Variants in TP53I13 observed in about 807,000 individuals in gnomAD.
The protein encoded by TP53I13 is tumor protein p53 inducible protein 13.
Under a neutral mutation model 39.1 loss-of-function variants are expected in TP53I13, and 27 were observed. The observed-to-expected ratio is 0.69, with a 90% confidence interval of 0.51 to 0.95. The LOEUF is 0.95. TP53I13 is among the 40% of genes least tolerant of loss of function. The probability of loss-of-function intolerance (pLI) is 0.00; values close to 1 mark genes in which losing one functional copy is unlikely to be tolerated. For missense variants in TP53I13, 544 were observed against 520.4 expected (o/e 1.05, Z -0.44); for synonymous variants, 230 against 224.6 (o/e 1.02, Z -0.22).
At chr17:29,574,974 C>A, downstream of TP53I13, 1 of 1,491,546 alleles carries the variant, frequency 6.7e-7, no homozygotes. Flanking sequence ...GAGATCAGGG[C>A]CCAGTTTGTC....
downstream of TP53I13, chr17:29,574,718 C>T: frequency 1.2e-6 from 2 of 1,612,886 alleles, no homozygotes; most frequent in South Asian, 1.1e-5. Flanking sequence ...CTTCTTCTCT[C>T]GGGTGGTGAT....
chr17:29,572,403 C>T lies in TP53I13; in HGVS notation c.775C>T (p.Pro259Ser). 6.3e-7 allele frequency: 1 copy of T among 1,593,622 alleles called. No homozygotes were observed. Among genetic ancestry groups the T allele is most frequent in the Non-Finnish European group, 8.6e-7 (1 of 1,166,286 alleles). Reference protein sequence around the residue: ...VPTVSLLPGAPGGNASSRTEA... With the variant: ...VPTVSLLPGASGGNASSRTEA... ...CACTGTCTCCCTGCTGCCGGGGGCG[C>T]CTGGAGGCAATGCCAGCTCCAGGAC... Residue 259 changes from proline (P) to serine (S), a missense_variant, in exon 6 of 7, where the codon CCT (proline) becomes TCT (serine). Coordinates refer to ENST00000301057, the MANE Select transcript of TP53I13 (RefSeq NM_138349.4).
upstream of TP53I13, chr17:29,568,668 C>CGCGGGGGA (rs2032794620): frequency 1.1e-6 from 1 of 895,946 alleles, no homozygotes; most frequent in African/African-American, 1.8e-5. The surrounding 1 kb of genome is among the most constrained non-coding windows in gnomAD (Gnocchi z 4.5). Context: ...GCGCGGGCGG[C>CGCGGGGGA]GCGGGGGCGC....
chr17:29,566,730 C>T, upstream of TP53I13: 1 of 1,566,986 alleles, frequency 6.4e-7, no homozygotes, highest in Non-Finnish European at 8.6e-7. Context: ...GGCACTGGGC[C>T]AGGGCCGACG....
chr17:29,570,283 G>A (rs1336901981), intron 3 of TP53I13, among the ~76,000 whole-genome samples: 2 of 147,852 alleles, frequency 1.4e-5, no homozygotes, highest in African/African-American at 5.0e-5. Context: ...TGAGGCGGGT[G>A]GAACACCTGA....
In TP53I13 at chr17:29,568,869, G is replaced by A; in HGVS notation, c.72+39G>A. 6.3e-7 allele frequency: 1 copy of A among 1,599,342 alleles called. No individual in the cohort carries two copies. The highest frequency in any genetic ancestry group is 8.5e-7 in the Non-Finnish European group (1 of 1,178,828). On this transcript the variant is annotated intron_variant, in intron 1 of 6. Coordinates refer to ENST00000301057, the MANE Select transcript of TP53I13 (RefSeq NM_138349.4). This position sits in a 1 kb window ranked among gnomAD's most constrained non-coding sequence, Gnocchi z 4.5. ...CTCCTGGGAAGGCCTCGGCCCGCGA[G>A]CTCAAAGCGCTTTGCCAAAAGTTCG...
chr17:29,572,261 TG>T lies in TP53I13; in HGVS notation c.635del (p.Gly212ValfsTer9). The T allele has an allele frequency of 6.2e-7, 1 of 1,612,808 alleles. No homozygotes were observed. The highest frequency in any genetic ancestry group is 8.5e-7 in the Non-Finnish European group (1 of 1,179,986). On this transcript the variant is annotated frameshift_variant, in exon 6 of 7. Transcript: ENST00000301057. LOFTEE classifies it high-confidence loss of function. ...AGAGGCGGAGGCTGCGGGCTGCCCT[TG>T]GTCCCCAGCCCACTCGCTCAGCCCT... The part of the protein sequence containing the change: ...AKRRRLRAAL[G>X]PQPTRSALRF...
Position 29,572,077 on chromosome 17 carries a change from G to A in TP53I13, c.513+20G>A. 6.2e-7 allele frequency: 1 copy of A among 1,612,514 alleles called. No homozygotes were observed. The highest frequency in any genetic ancestry group is 1.1e-5 in the South Asian group (1 of 91,072). ...GTGCAGGTGAGAGACGCTGGGCCCAGGCTTGTTGGCCCTCGGGTTCTCTGA... is the reference window on the plus strand; with the variant it reads ...GTGCAGGTGAGAGACGCTGGGCCCAAGCTTGTTGGCCCTCGGGTTCTCTGA... On this transcript the variant is annotated intron_variant, in intron 5 of 6. Coordinates refer to ENST00000301057, the MANE Select transcript of TP53I13 (RefSeq NM_138349.4).
At chr17:29,576,443 T>C, downstream of TP53I13, 2 of 1,612,776 alleles carry the variant, frequency 1.2e-6, no homozygotes, top group Non-Finnish European at 1.7e-6. Flanking sequence ...CGCCTGCAGC[T>C]TGTGGATCTA....
At chr17:29,578,248 G>T in the TP53I13 span, 1 of 1,448,562 alleles carries the variant, frequency 6.9e-7, no homozygotes, top group Non-Finnish European at 9.7e-7. Context: ...AGAGACCCAT[G>T]CCTGGGCCGC....
downstream of TP53I13, among the ~76,000 whole-genome samples, chr17:29,577,459 C>T (rs1567770789): frequency 2.0e-5 from 3 of 152,172 alleles, no homozygotes; most frequent in South Asian, 2.1e-4. Context: ...GAACACCCAC[C>T]GGAGCTGCTC....
chr17:29,573,095 A>T lies in TP53I13; in HGVS notation c.*171A>T. 2.1e-6 allele frequency: 1 copy of T among 473,292 alleles called. No homozygotes were observed. Among genetic ancestry groups the T allele is most frequent in the Non-Finnish European group, 3.6e-6 (1 of 281,502 alleles). The allele number at this position is 473,292 out of a possible 1,614,324, so 29.3% of individuals were successfully genotyped here. On this transcript the variant is annotated 3_prime_UTR_variant, in exon 7 of 7. Coordinates refer to ENST00000301057, the MANE Select transcript of TP53I13 (RefSeq NM_138349.4). The stretch of plus-strand genomic sequence containing the variant: ...TTGCTGAGTGGGCGGCCAAGGGGAG[A>T]AAAGGAGCCGCTTCTGCCTCCCTTG...
the TP53I13 span, chr17:29,581,198 G>A: frequency 4.3e-6 from 3 of 699,900 alleles, no homozygotes; most frequent in South Asian, 3.0e-5. The surrounding 1 kb of genome is among the most constrained non-coding windows in gnomAD (Gnocchi z 4.8). Context: ...ATTAGGGACT[G>A]AGGACTAAGC....
At position 29,573,022 on chromosome 17, in the gene TP53I13, G is replaced by C; in HGVS notation, c.*98G>C. ...CGCGCGCGGGGCGCTCCCTGGTGGC[G>C]ATGGCGCGGCACTGGCCGAGCACTG... On this transcript the variant is annotated 3_prime_UTR_variant, in exon 7 of 7. Transcript: ENST00000301057. 3 of 1,012,326 alleles carry C rather than the reference G, an allele frequency of 3.0e-6. No individual in the cohort carries two copies. Among genetic ancestry groups the C allele is most frequent in the African/African-American group, 1.7e-5 (1 of 58,540 alleles). The allele number at this position is 1,012,326 out of a possible 1,614,324, so 62.7% of individuals were successfully genotyped here.
chr17:29,579,110 A>G, the TP53I13 span: 2 of 828,528 alleles, frequency 2.4e-6, no homozygotes, highest in East Asian at 2.4e-5. Context: ...CCCGGCCCAG[A>G]AGGGACAAAG....
downstream of TP53I13, chr17:29,576,775 GCCCCTGGGCT>G (rs1411531874): frequency 3.8e-6 from 6 of 1,575,508 alleles, no homozygotes; most frequent in Non-Finnish European, 1.7e-6. Context: ...TGTCCCTCAG[GCCCCTGGGCT>G]ACAAGAGGAC....
downstream of TP53I13, chr17:29,576,787 C>T (rs533998529): frequency 1.4e-4 from 227 of 1,577,116 alleles, no homozygotes; most frequent in Admixed American, 8.3e-4. Context: ...CCCTGGGCTA[C>T]AAGAGGACAG....
At chr17:29,577,074 C>G, downstream of TP53I13, 1 of 1,606,184 alleles carries the variant, frequency 6.2e-7, no homozygotes. Flanking sequence ...CAGGGAGAGC[C>G]ATGCAGGAAA....
At chr17:29,573,188 CAG>C (rs2033038001), downstream of TP53I13, 7 of 358,050 alleles carry the variant, frequency 2.0e-5, no homozygotes, top group Non-Finnish European at 2.5e-5. Context: ...ATCTGCCGCA[CAG>C]AGACTCCCAC....
Sources: gnomAD v4.1 joint callset for allele counts (sites outside exome capture counted in the v4.1 genomes callset) on GRCh38, gnomAD v4.1.1 for gene constraint, Gnocchi (gnomAD v3.1) non-coding constraint, MANE v1.5 for transcripts, NCBI Gene and HGNC (gene_info 2026-07-23, HGNC 2026-07-21) for gene names.